Variants in DENND1B observed in about 807,000 individuals in gnomAD.
DENND1B encodes the protein DENN domain containing 1B.
In DENND1B, 59 loss-of-function variants were observed where a neutral mutation model predicts 90.1. The ratio of observed to expected loss-of-function variants is 0.65; its 90% CI spans 0.53 to 0.81. The LOEUF (loss-of-function observed/expected upper bound fraction) is 0.81. Ranked by LOEUF, DENND1B falls within the 40% of genes least tolerant of loss-of-function variation. The probability of loss-of-function intolerance (pLI) is 0.00; values close to 1 mark genes in which losing one functional copy is unlikely to be tolerated. For missense variants in DENND1B, 862 were observed against 912.6 expected (o/e 0.94, Z 0.71); for synonymous variants, 337 against 324.6 (o/e 1.04, Z -0.41).
At chr1:197,779,462 T>G (rs922644724), upstream of DENND1B, among the ~76,000 whole-genome samples, 2 of 152,138 alleles carry the variant, frequency 1.3e-5, no homozygotes, top group Non-Finnish European at 2.9e-5. Context: ...TTTCATCAGT[T>G]CTGGAAAATT....
chr1:197,768,350 G>C (rs926909983), intron 2 of DENND1B, among the ~76,000 whole-genome samples: 2 of 151,982 alleles, frequency 1.3e-5, no homozygotes, highest in Non-Finnish European at 2.9e-5. Flanking sequence ...GAGTACCAAG[G>C]CCACTTCCCA....
intron 13 of DENND1B, among the ~76,000 whole-genome samples, chr1:197,601,904 A>T (rs1439029787): frequency 2.0e-5 from 3 of 151,668 alleles, no homozygotes; most frequent in South Asian, 2.1e-4. Flanking sequence ...CAGTTGGGAG[A>T]ACAGCAAAAT....
intron 3 of DENND1B, among the ~76,000 whole-genome samples, chr1:197,683,958 C>T (rs746294058): frequency 2.0e-5 from 3 of 152,136 alleles, no homozygotes; most frequent in African/African-American, 7.2e-5. Context: ...AAAGTTTTTG[C>T]GGCTGTTTTC....
chr1:197,566,569 C>T (rs1260162678), intron 15 of DENND1B, among the ~76,000 whole-genome samples: 2 of 151,970 alleles, frequency 1.3e-5, no homozygotes, highest in East Asian at 1.9e-4. Context: ...TCTACTAAAA[C>T]TGTCAAAATA....
chr1:197,648,763 T>G (rs1652768877), intron 7 of DENND1B, among the ~76,000 whole-genome samples: 1 of 152,146 alleles, frequency 6.6e-6, no homozygotes, highest in Non-Finnish European at 1.5e-5. Context: ...AACTGCTCTT[T>G]CCCCCAATTC....
chr1:197,617,351 A>G (rs1677747694), intron 11 of DENND1B, among the ~76,000 whole-genome samples: 1 of 151,140 alleles, frequency 6.6e-6, no homozygotes, highest in African/African-American at 2.4e-5. Context: ...AACTGACACC[A>G]TAACTTCTAT....
chr1:197,600,285 T>C (rs555616792), intron 13 of DENND1B, among the ~76,000 whole-genome samples: 5 of 151,988 alleles, frequency 3.3e-5, no homozygotes, highest in African/African-American at 1.2e-4. Context: ...TCTTTGCTAA[T>C]GGAAATCTTA....
chr1:197,714,488 G>A (rs1323729485), intron 3 of DENND1B, among the ~76,000 whole-genome samples: 1 of 151,944 alleles, frequency 6.6e-6, no homozygotes, highest in African/African-American at 2.4e-5. Flanking sequence ...AATGCAAATG[G>A]AATAAATTCA....
chr1:197,622,527 A>C (rs1678265541), intron 10 of DENND1B, among the ~76,000 whole-genome samples: 1 of 151,456 alleles, frequency 6.6e-6, no homozygotes, highest in African/African-American at 2.4e-5. Context: ...TAATTGTATA[A>C]TAGAGAATGC....
intron 5 of DENND1B, among the ~76,000 whole-genome samples, chr1:197,662,643 G>A (rs1654530376): frequency 2.0e-5 from 3 of 152,038 alleles, no homozygotes; most frequent in Admixed American, 1.3e-4. Flanking sequence ...GTGTATACAT[G>A]TGCCATGTTG....
At chr1:197,587,747 G>A (rs886330466) in intron 14 of DENND1B, among the ~76,000 whole-genome samples, 4 of 152,008 alleles carry the variant, frequency 2.6e-5, no homozygotes, top group East Asian at 1.9e-4. Flanking sequence ...AGCGCGTTAC[G>A]TTTATTGTGT....
intron 2 of DENND1B, chr1:197,736,009 A>G (rs1184322988): frequency 9.9e-7 from 1 of 1,011,142 alleles, no homozygotes; most frequent in Non-Finnish European, 1.5e-6. Context: ...ATCTAAAAAC[A>G]CTGCAATGGC....
intron 10 of DENND1B, among the ~76,000 whole-genome samples, chr1:197,626,380 A>G (rs1191793141): frequency 6.6e-6 from 1 of 152,064 alleles, no homozygotes; most frequent in Non-Finnish European, 1.5e-5. Flanking sequence ...ACTCAAAACC[A>G]CTCAACTACA....
chr1:197,564,715 T>C (rs1329142635), intron 15 of DENND1B, among the ~76,000 whole-genome samples: 1 of 151,990 alleles, frequency 6.6e-6, no homozygotes, highest in Non-Finnish European at 1.5e-5. Context: ...TTTTATGGCA[T>C]TTCATTAATA....
chr1:197,571,031 C>T (rs533521556), intron 15 of DENND1B, among the ~76,000 whole-genome samples: 30 of 151,394 alleles, frequency 2.0e-4, no homozygotes, highest in Admixed American at 1.7e-3. Flanking sequence ...TCTTATTTCT[C>T]TCTACTCTAA....
chr1:197,602,156 T>A (rs1676269289), intron 13 of DENND1B, among the ~76,000 whole-genome samples: 1 of 151,622 alleles, frequency 6.6e-6, no homozygotes, highest in South Asian at 2.1e-4. Flanking sequence ...CTTATTAAAG[T>A]CAAATGGAAA....
chr1:197,667,440 C>CT (rs958726144), intron 5 of DENND1B, among the ~76,000 whole-genome samples: 1 of 151,628 alleles, frequency 6.6e-6, no homozygotes, highest in African/African-American at 2.4e-5. Flanking sequence ...TTATTATTAT[C>CT]TTTTTTTTCC....
intron 9 of DENND1B, among the ~76,000 whole-genome samples, chr1:197,644,084 T>A (rs150427027): frequency 1.1e-3 from 168 of 152,330 alleles, no homozygotes; most frequent in African/African-American, 4.0e-3. Context: ...TAACTATCAG[T>A]GGGTGATGTT....
At chr1:197,520,966 A>G (rs1017724287) in intron 20 of DENND1B, among the ~76,000 whole-genome samples, 23 of 152,004 alleles carry the variant, frequency 1.5e-4, no homozygotes, top group Non-Finnish European at 1.9e-4. Context: ...CTAATGAAAA[A>G]GGCTATCAGC....
Sources: gnomAD v4.1 joint callset for allele counts (sites outside exome capture counted in the v4.1 genomes callset) on GRCh38, gnomAD v4.1.1 for gene constraint, MANE v1.5 for transcripts, NCBI Gene and HGNC (gene_info 2026-07-23, HGNC 2026-07-21) for gene names.